Variants in RBFOX1 observed in about 807,000 individuals in gnomAD.
RBFOX1 encodes RNA binding fox-1 homolog 1.
A neutral mutation model predicts 57.7 loss-of-function variants in RBFOX1; 8 were observed. The ratio of observed to expected loss-of-function variants is 0.14; its 90% confidence interval spans 0.08 to 0.25. The LOEUF is 0.25. Among genes scored for constraint, RBFOX1 ranks in the 10% least tolerant of loss-of-function variants. The pLI, the probability that RBFOX1 is intolerant of heterozygous loss-of-function variation, is 1.00. For synonymous variants in RBFOX1, 326 were observed against 222.4 expected, an observed-to-expected ratio of 1.47 and a Z score of -4.15; for missense variants, 611 against 548.5, an observed-to-expected ratio of 1.11 and a Z score of -1.14.
intron 4 of RBFOX1, among the ~76,000 whole-genome samples, chr16:5,922,086 A>G (rs896141566): frequency 2.0e-5 from 3 of 152,098 alleles, no homozygotes; most frequent in African/African-American, 7.2e-5. Flanking sequence ...ACTTGAGTCC[A>G]GGAGGTCGAG....
chr16:6,225,050 T>A (rs28396809), intron 1 of RBFOX1, among the ~76,000 whole-genome samples: 2,917 of 142,242 alleles, frequency 0.021, 100 homozygotes, highest in African/African-American at 0.069. Flanking sequence ...AAAAAATCAC[T>A]CACTCCAGGA....
At chr16:7,177,811 T>C (rs1364596251) in intron 4 of RBFOX1, among the ~76,000 whole-genome samples, 1 of 152,200 alleles carries the variant, frequency 6.6e-6, no homozygotes, top group Non-Finnish European at 1.5e-5. Context: ...CTGTGGACAA[T>C]GCATAAATGA....
At chr16:5,859,414 A>G (rs528887647) in intron 3 of RBFOX1, among the ~76,000 whole-genome samples, 14 of 152,322 alleles carry the variant, frequency 9.2e-5, no homozygotes, top group Admixed American at 7.2e-4. Context: ...AGCAAGAAAG[A>G]TTTTTGTGTC....
intron 4 of RBFOX1, among the ~76,000 whole-genome samples, chr16:7,205,817 C>A (rs73539662): frequency 6.6e-6 from 1 of 152,344 alleles, no homozygotes; most frequent in East Asian, 1.9e-4. Context: ...TGAAACCTTA[C>A]CACTGAGAGA....
intron 4 of RBFOX1, among the ~76,000 whole-genome samples, chr16:5,965,556 C>T (rs971743227): frequency 6.6e-6 from 1 of 152,160 alleles, no homozygotes; most frequent in Non-Finnish European, 1.5e-5. Context: ...AGGAAATGTT[C>T]TGTCACATAA....
At chr16:6,826,601 C>G (rs1324543998) in intron 3 of RBFOX1, among the ~76,000 whole-genome samples, 1 of 152,094 alleles carries the variant, frequency 6.6e-6, no homozygotes, top group Non-Finnish European at 1.5e-5. Context: ...TCTCTTTGGT[C>G]CCTCTCCCTC....
intron 3 of RBFOX1, among the ~76,000 whole-genome samples, chr16:7,029,618 G>A (rs1339590827): frequency 1.3e-5 from 2 of 151,956 alleles, no homozygotes; most frequent in Non-Finnish European, 2.9e-5. Context: ...ACAATTTGTG[G>A]CAAAAAGCAG....
chr16:7,080,059 T>TTATATATA (rs201835325), intron 4 of RBFOX1, among the ~76,000 whole-genome samples: 1 of 135,244 alleles, frequency 7.4e-6, no homozygotes, highest in African/African-American at 2.7e-5. Context: ...TATATACATA[T>TTATATATA]TATATATATA....
intron 3 of RBFOX1, among the ~76,000 whole-genome samples, chr16:6,745,259 G>T (rs1161650392): frequency 6.6e-6 from 1 of 151,892 alleles, no homozygotes; most frequent in Non-Finnish European, 1.5e-5. Context: ...ATTTCTTTCA[G>T]AAAATGGAAA....
chr16:6,454,118 C>T (rs1025522003), intron 2 of RBFOX1, among the ~76,000 whole-genome samples: 1 of 152,144 alleles, frequency 6.6e-6, no homozygotes, highest in Non-Finnish European at 1.5e-5. Flanking sequence ...TGGATGAGGG[C>T]CCACCCTATG....
intron 4 of RBFOX1, among the ~76,000 whole-genome samples, chr16:5,948,330 C>G (rs1597912563): frequency 6.6e-6 from 1 of 152,286 alleles, no homozygotes; most frequent in African/African-American, 2.4e-5. Context: ...GACACATGGC[C>G]TTTGGCTCCT....
At chr16:6,316,758 T>C (rs1163240245) in intron 1 of RBFOX1, among the ~76,000 whole-genome samples, 2 of 152,158 alleles carry the variant, frequency 1.3e-5, no homozygotes, top group African/African-American at 2.4e-5. Flanking sequence ...CAGTTTCCTC[T>C]TCTGAAATAG....
At chr16:5,370,044 A>G (rs188711877) in intron 1 of RBFOX1, among the ~76,000 whole-genome samples, 9 of 152,218 alleles carry the variant, frequency 5.9e-5, no homozygotes, top group Non-Finnish European at 1.3e-4. Flanking sequence ...TATTCCATGT[A>G]TTGAGCACCT....
In RBFOX1 at chr16:7,062,892, C is replaced by CTTTTTTTTTTTTTTTTTTTTT. The variant is rs1491558284; in HGVS notation, c.27+10794_27+10795insTTTTTTTTTTTTTTTTTTTTT. Among the ~76,000 whole-genome samples, 4 of 59,950 alleles carry CTTTTTTTTTTTTTTTTTTTTT rather than the reference C, an allele frequency of 6.7e-5. 1 individual carries two copies. Among genetic ancestry groups the CTTTTTTTTTTTTTTTTTTTTT allele is most frequent in the Non-Finnish European group, 6.6e-5 (2 of 30,266 alleles). 39.3% of individuals were successfully genotyped at this position (59,950 alleles called of 152,430 possible). On this transcript the variant is annotated intron_variant, in intron 4 of 15. Transcript: ENST00000550418. ...TACCTCATCTCATTCAAATGATCGC[C>CTTTTTTTTTTTTTTTTTTTTT]ATTTTTTTTTTTTTTTTTTTTTTTT...
At chr16:6,687,306 T>G (rs184417851) in intron 3 of RBFOX1, among the ~76,000 whole-genome samples, 6 of 152,174 alleles carry the variant, frequency 3.9e-5, no homozygotes, top group Admixed American at 3.3e-4. Flanking sequence ...GGGAGGAGAA[T>G]GTGGGGGTAA....
intron 4 of RBFOX1, among the ~76,000 whole-genome samples, chr16:7,507,401 G>T (rs975757097): frequency 6.6e-6 from 1 of 152,042 alleles, no homozygotes; most frequent in Non-Finnish European, 1.5e-5. Flanking sequence ...TAAGAGATCA[G>T]ACTGACAGAA....
At chr16:6,938,967 A>T (rs1457746923) in intron 3 of RBFOX1, among the ~76,000 whole-genome samples, 2 of 151,970 alleles carry the variant, frequency 1.3e-5, no homozygotes, top group African/African-American at 4.8e-5. Context: ...GAGAATGGAG[A>T]TTTTGCCCAG....
intron 3 of RBFOX1, among the ~76,000 whole-genome samples, chr16:5,708,461 A>C (rs377715987): frequency 6.6e-6 from 1 of 152,182 alleles, no homozygotes; most frequent in Non-Finnish European, 1.5e-5. Flanking sequence ...TTTAATTTAT[A>C]ATTTCAGGCT....
chr16:6,167,847 C>T (rs772214931), intron 1 of RBFOX1, among the ~76,000 whole-genome samples: 1 of 152,114 alleles, frequency 6.6e-6, no homozygotes, highest in African/African-American at 2.4e-5. Flanking sequence ...TTGGGTGCTC[C>T]AAGCACTGCT....
Sources: gnomAD v4.1 joint callset for allele counts (sites outside exome capture counted in the v4.1 genomes callset) on GRCh38, gnomAD v4.1.1 for gene constraint, MANE v1.5 for transcripts, NCBI Gene and HGNC (gene_info 2026-07-23, HGNC 2026-07-21) for gene names.